NRXN3: variants seen among roughly 807,000 people sequenced by gnomAD.
NRXN3 encodes neurexin 3.
NRXN3 carries 32 observed loss-of-function variants against 137.6 expected under a neutral mutation model. The ratio of observed to expected loss-of-function variants is 0.23; its 90% confidence interval spans 0.18 to 0.31. The LOEUF (loss-of-function observed/expected upper bound fraction) is 0.31, where lower values mean the gene tolerates loss of function less well. NRXN3 is among the 10% of genes least tolerant of loss of function. NRXN3 has a pLI of 1.00. For missense variants in NRXN3, 1,574 were observed against 2,062.5 expected (o/e 0.76, Z 4.59); for synonymous variants, 798 against 784.5 (o/e 1.02, Z -0.29).
chr14:78,201,878 G>C (rs1432178189), intron 1 of NRXN3, among the ~76,000 whole-genome samples: 1 of 152,168 alleles, frequency 6.6e-6, no homozygotes, highest in Non-Finnish European at 1.5e-5. Flanking sequence ...AGTGTGACTC[G>C]GAGGCCGCAG....
At chr14:79,563,000 CA>C (rs1337244085) in intron 16 of NRXN3, among the ~76,000 whole-genome samples, 1 of 152,058 alleles carries the variant, frequency 6.6e-6, no homozygotes, top group Non-Finnish European at 1.5e-5. Flanking sequence ...GCCCTGAACA[CA>C]ACATAGGGAA....
intron 8 of NRXN3, among the ~76,000 whole-genome samples, chr14:78,718,179 C>A (rs1025300976): frequency 7.2e-5 from 11 of 152,090 alleles, no homozygotes; most frequent in African/African-American, 2.7e-4. Context: ...AGAATCAAGT[C>A]TAAGTCTAGA....
At chr14:78,503,890 CA>C (rs1668917058) in intron 4 of NRXN3, among the ~76,000 whole-genome samples, 1 of 152,168 alleles carries the variant, frequency 6.6e-6, no homozygotes, top group East Asian at 1.9e-4. Context: ...TGATAAGTTA[CA>C]TAGTTACCCT....
chr14:79,128,698 A>G (rs2056970308), intron 15 of NRXN3, among the ~76,000 whole-genome samples: 1 of 152,138 alleles, frequency 6.6e-6, no homozygotes, highest in African/African-American at 2.4e-5. Context: ...TCATAAAATG[A>G]GTTAGGGAGG....
intron 16 of NRXN3, among the ~76,000 whole-genome samples, chr14:79,616,334 A>ATCTG (rs2098155515): frequency 1.3e-5 from 2 of 152,224 alleles, no homozygotes; most frequent in African/African-American, 4.8e-5. Context: ...CATTTGGCAC[A>ATCTG]ACTAGGTGAT....
chr14:79,257,356 TG>T (rs2076729382), intron 15 of NRXN3, among the ~76,000 whole-genome samples: 1 of 106,352 alleles, frequency 9.4e-6, no homozygotes, highest in African/African-American at 3.8e-5. Context: ...GTGGTGGTGG[TG>T]GTGGTGGTGG....
At chr14:79,169,176 G>C (rs2061551665) in intron 15 of NRXN3, among the ~76,000 whole-genome samples, 1 of 151,978 alleles carries the variant, frequency 6.6e-6, no homozygotes, top group Non-Finnish European at 1.5e-5. Context: ...TACTATGAAA[G>C]AAAGAAAGAT....
chr14:79,547,298 T>A (rs746946827), intron 16 of NRXN3, among the ~76,000 whole-genome samples: 3 of 152,174 alleles, frequency 2.0e-5, no homozygotes, highest in Non-Finnish European at 2.9e-5. Flanking sequence ...ACTATATTAC[T>A]CCATCTATCT....
intron 16 of NRXN3, among the ~76,000 whole-genome samples, chr14:79,489,917 T>C (rs2096697518): frequency 6.6e-6 from 1 of 151,284 alleles, no homozygotes; most frequent in Admixed American, 6.6e-5. Context: ...CAGGCACCTG[T>C]AGTCCCAGCT....
intron 7 of NRXN3, among the ~76,000 whole-genome samples, chr14:78,711,441 T>C (rs1273697459): frequency 4.2e-5 from 6 of 142,504 alleles, no homozygotes; most frequent in South Asian, 2.3e-4. Flanking sequence ...TCTCTTTTTT[T>C]TTTTTTTTTT....
intron 10 of NRXN3, among the ~76,000 whole-genome samples, chr14:78,843,180 A>T (rs972543160): frequency 4.6e-5 from 7 of 152,148 alleles, no homozygotes; most frequent in African/African-American, 1.7e-4. Flanking sequence ...AGTGTAAGAA[A>T]TTATAAAAGT....
intron 15 of NRXN3, chr14:79,201,141 T>C (rs763405594): frequency 6.6e-6 from 1 of 152,140 alleles, no homozygotes; most frequent in African/African-American, 2.4e-5. Flanking sequence ...GTTTGCCTAT[T>C]AGGTAGAAAT....
chr14:78,642,823 C>G (rs80249063), intron 4 of NRXN3, among the ~76,000 whole-genome samples: 1 of 152,190 alleles, frequency 6.6e-6, no homozygotes, highest in Non-Finnish European at 1.5e-5. Context: ...ACTTCAAACA[C>G]GCAGACAGTG....
chr14:79,342,844 T>C (rs549780700), intron 15 of NRXN3, among the ~76,000 whole-genome samples: 1 of 152,150 alleles, frequency 6.6e-6, no homozygotes, highest in South Asian at 2.1e-4. Context: ...GGAATTGCAA[T>C]GGGGAAAGGG....
intron 15 of NRXN3, among the ~76,000 whole-genome samples, chr14:79,212,713 T>G (rs2067860846): frequency 6.6e-6 from 1 of 152,096 alleles, no homozygotes; most frequent in Non-Finnish European, 1.5e-5. Flanking sequence ...CGTGCCCAAA[T>G]GAGTGTTGGA....
chr14:79,637,696 C>T (rs1449304177), intron 16 of NRXN3, among the ~76,000 whole-genome samples: 1 of 146,444 alleles, frequency 6.8e-6, no homozygotes, highest in Non-Finnish European at 1.5e-5. Context: ...AATTTTGATG[C>T]TCTAAGAAAC....
At chr14:79,121,274 T>A (rs2055380466) in intron 15 of NRXN3, among the ~76,000 whole-genome samples, 1 of 152,188 alleles carries the variant, frequency 6.6e-6, no homozygotes, top group African/African-American at 2.4e-5. Context: ...CACATTGATA[T>A]GTGTGTCATA....
intron 10 of NRXN3, among the ~76,000 whole-genome samples, chr14:78,940,767 A>T (rs1461396117): frequency 6.6e-6 from 1 of 152,130 alleles, no homozygotes; most frequent in Non-Finnish European, 1.5e-5. Flanking sequence ...CCATTACTAG[A>T]TTTTTTTATA....
chr14:78,926,149 G>A (rs931006019), intron 10 of NRXN3, among the ~76,000 whole-genome samples: 2 of 152,006 alleles, frequency 1.3e-5, no homozygotes, highest in Admixed American at 6.6e-5. Context: ...CTATTCATGA[G>A]AGATACCTTC....
Sources: gnomAD v4.1 joint callset for allele counts (sites outside exome capture counted in the v4.1 genomes callset) on GRCh38, gnomAD v4.1.1 for gene constraint, MANE v1.5 for transcripts, NCBI Gene and HGNC (gene_info 2026-07-23, HGNC 2026-07-21) for gene names.